Variants in MAGT1 observed in about 807,000 individuals in gnomAD.
MAGT1 encodes the protein dolichyl-diphosphooligosaccharide--protein glycosyltransferase subunit MAGT1.
A neutral mutation model predicts 28.4 loss-of-function variants in MAGT1; 4 were observed. The ratio of observed to expected loss-of-function variants is 0.14; its 90% CI spans 0.07 to 0.32. The LOEUF is 0.32. MAGT1 is among the 10% of genes least tolerant of loss of function. The pLI is 1.00. For synonymous variants in MAGT1, 89 were observed against 89.7 expected, an observed-to-expected ratio of 0.99 and a Z score of 0.04; for missense variants, 193 against 264.5, an observed-to-expected ratio of 0.73 and a Z score of 1.88.
At chrX:77,871,696 A>T (rs2077020722) in intron 2 of MAGT1, among the ~76,000 whole-genome samples, 1 of 109,941 alleles carries the variant, frequency 9.1e-6, no homozygotes, top group Admixed American at 9.8e-5. Flanking sequence ...ACAAAAATTA[A>T]CCGGGCATGG....
chrX:77,855,710 G>A, intron 5 of MAGT1, 120 bp from the exon 6 acceptor site: 1 of 474,235 alleles, frequency 2.1e-6, no homozygotes, highest in Non-Finnish European at 3.6e-6. Flanking sequence ...GCAGATAAAT[G>A]ATTTATTAAG....
intron 1 of MAGT1, among the ~76,000 whole-genome samples, chrX:77,884,615 G>A (rs1200921617): frequency 9.1e-6 from 1 of 110,140 alleles, no homozygotes; most frequent in Non-Finnish European, 1.9e-5. Context: ...GATCATTGTT[G>A]TGAGGAGTGA....
intron 8 of MAGT1, 85 bp from the exon 9 acceptor site, chrX:77,830,980 A>ATTTTATTTT (rs2076896757): frequency 3.5e-5 from 1 of 28,978 alleles, no homozygotes; most frequent in African/African-American, 7.1e-5. Flanking sequence ...TTTTTATTTT[A>ATTTTATTTT]TTTTATTTTA....
At chrX:77,858,164 T>C (rs909908175) in intron 3 of MAGT1, among the ~76,000 whole-genome samples, 4 of 111,541 alleles carry the variant, frequency 3.6e-5, no homozygotes, top group South Asian at 3.8e-4. Context: ...CTTATAGAGA[T>C]TGGCTTGCAC....
intron 3 of MAGT1, among the ~76,000 whole-genome samples, chrX:77,861,058 A>G (rs2076993523): frequency 9.1e-6 from 1 of 109,757 alleles, no homozygotes; most frequent in Non-Finnish European, 1.9e-5. Flanking sequence ...GCATGCCTGT[A>G]ATCCCAGCTA....
At chrX:77,832,998 A>T (rs1401568424) in intron 8 of MAGT1, among the ~76,000 whole-genome samples, 1 of 111,870 alleles carries the variant, frequency 8.9e-6, no homozygotes, top group Non-Finnish European at 1.9e-5. Flanking sequence ...ACAAAAAAGA[A>T]GTGCAGCTTG....
At chrX:77,838,752 C>T (rs1394996771) in intron 8 of MAGT1, among the ~76,000 whole-genome samples, 3 of 97,189 alleles carry the variant, frequency 3.1e-5, no homozygotes, top group South Asian at 5.1e-4. Flanking sequence ...AGCAAGACTC[C>T]GTCTCGAAAA....
At chrX:77,842,883 T>C (rs1445702647) in intron 7 of MAGT1, among the ~76,000 whole-genome samples, 1 of 112,137 alleles carries the variant, frequency 8.9e-6, no homozygotes, top group Non-Finnish European at 1.9e-5. Context: ...CACACTTTTA[T>C]TCAGCTTAAT....
At position 77,832,267 on chromosome X, in the gene MAGT1, T is replaced by C. The variant is rs782645134; in HGVS notation, c.902-1372A>G. On this transcript the variant is annotated intron_variant, in intron 8 of 9. Transcript: ENST00000618282. The stretch of plus-strand genomic sequence containing the variant: ...GCTAAGAACTATAGAGATAGGGATG[T>C]AGGGAAGCATGTGTCCAACAGCAAA... Among the ~76,000 whole-genome samples, 5 of 111,695 alleles carry C rather than the reference T, an allele frequency of 4.5e-5. No homozygotes were observed. The East Asian group carries it at 1.4e-3, about 31-fold the overall frequency.
rs201120500 is a variant in MAGT1 at position 77,893,365 on chromosome X, G to A, written c.102+1944C>T. ...TTGTACATGCATGAAAAGGGTGAAT[G>A]TACTTCCAAGAGAGTACAGAAAGAT... On this transcript the variant is annotated intron_variant, in intron 1 of 9. Transcript: ENST00000618282. Among the ~76,000 whole-genome samples the A allele has an allele frequency of 5.4e-5, 6 of 111,327 alleles. No individual in the cohort carries two copies. The East Asian group carries it at 1.4e-3, about 26-fold the overall frequency.
chrX:77,892,027 G>A (rs1557219516), intron 1 of MAGT1, among the ~76,000 whole-genome samples: 3 of 109,821 alleles, frequency 2.7e-5, no homozygotes, highest in Middle Eastern at 4.6e-3. Flanking sequence ...GAGTAGCTGG[G>A]ACTACAGGCA....
intron 1 of MAGT1, among the ~76,000 whole-genome samples, chrX:77,877,610 C>T (rs2077038989): frequency 1.8e-5 from 2 of 108,483 alleles, no homozygotes; most frequent in South Asian, 3.9e-4. Flanking sequence ...GTAAGGAGTT[C>T]GAGAACAGCC....
At position 77,844,060 on chromosome X, in the gene MAGT1, G is replaced by C. The variant is rs951072113; in HGVS notation, c.827-2740C>G. ...CTTGTACCTCTGGTAGAATTTGGCT[G>C]TGAATCCATCTGGTCCTGGACTTTT... On this transcript the variant is annotated intron_variant, in intron 7 of 9. Coordinates refer to ENST00000618282, the MANE Select transcript of MAGT1 (RefSeq NM_001367916.1). Among the ~76,000 whole-genome samples, 8 of 111,480 alleles carry C rather than the reference G, an allele frequency of 7.2e-5. No individual in the cohort carries two copies. In the East Asian group the frequency reaches 1.1e-3, roughly 16 times the overall value.
At chrX:77,850,416 C>T (rs782098399) in intron 7 of MAGT1, among the ~76,000 whole-genome samples, 1 of 91,142 alleles carries the variant, frequency 1.1e-5, no homozygotes, top group Admixed American at 1.5e-4. Flanking sequence ...GTGGAGGTTG[C>T]AGTGAACCAA....
chrX:77,829,047 G>T lies in MAGT1; in HGVS notation c.*173C>A. On this transcript the variant is annotated 3_prime_UTR_variant, in exon 10 of 10. Coordinates refer to ENST00000618282, the MANE Select transcript of MAGT1 (RefSeq NM_001367916.1). Reference sequence around the variant, plus strand: ...TTCAAATACCTCAGATTTTGACAGAGGATTGCTTGTTAAGGCACTACACAT... The same window carrying T: ...TTCAAATACCTCAGATTTTGACAGATGATTGCTTGTTAAGGCACTACACAT... 7.0e-6 allele frequency: 3 copies of T among 427,282 alleles called. No individual in the cohort carries two copies. The highest frequency in any genetic ancestry group is 1.3e-5 in the Non-Finnish European group (3 of 239,102). The allele number at this position is 427,282 out of a possible 1,213,427, so 35.2% of individuals were successfully genotyped here. A position where few individuals can be genotyped will look rare whatever the true frequency, so the allele number is the denominator to read the frequency against.
chrX:77,862,599 A>G (rs1282483048), intron 3 of MAGT1, among the ~76,000 whole-genome samples: 5 of 112,125 alleles, frequency 4.5e-5, no homozygotes, highest in African/African-American at 1.6e-4. Flanking sequence ...AAGGACATGA[A>G]TAGACATTTC....
intron 6 of MAGT1, among the ~76,000 whole-genome samples, chrX:77,855,063 C>T (rs1320584181): frequency 3.6e-5 from 4 of 111,656 alleles, no homozygotes; most frequent in Non-Finnish European, 7.5e-5. Flanking sequence ...CCTGTATTCC[C>T]AGCACTTTGG....
chrX:77,850,156 G>C (rs1405823456), intron 7 of MAGT1, among the ~76,000 whole-genome samples: 1 of 110,518 alleles, frequency 9.0e-6, no homozygotes, highest in African/African-American at 3.3e-5. Flanking sequence ...CAATGTTACC[G>C]GTCTTGAGGT....
intron 1 of MAGT1, among the ~76,000 whole-genome samples, chrX:77,891,604 T>G (rs2077082885): frequency 9.0e-6 from 1 of 111,595 alleles, no homozygotes; most frequent in African/African-American, 3.3e-5. Flanking sequence ...TAAACTATAG[T>G]GCCTGGCATG....
Sources: allele counts gnomAD v4.1 joint callset (sites outside exome capture counted in the v4.1 genomes callset), GRCh38; gene constraint gnomAD v4.1.1; transcripts MANE v1.5; gene names NCBI Gene and HGNC (gene_info 2026-07-23, HGNC 2026-07-21).